The following PJA2 variants were observed in gnomAD, a reference collection of about 807,000 sequenced individuals.
The protein encoded by PJA2 is praja ring finger ubiquitin ligase 2.
PJA2 carries 25 observed loss-of-function variants against 69.3 expected under a neutral mutation model. That is an observed-to-expected ratio of 0.36 (90% confidence interval 0.26 to 0.50). The LOEUF is 0.50. Ranked by LOEUF, PJA2 falls within the 20% of genes least tolerant of loss-of-function variation. The pLI is 0.96. For missense variants in PJA2, 809 were observed against 830.2 expected, an observed-to-expected ratio of 0.97 and a Z score of 0.31; for synonymous variants, 308 against 277.8, an observed-to-expected ratio of 1.11 and a Z score of -1.08.
chr5:109,370,035 A>C (rs1342338499), intron 4 of PJA2, among the ~76,000 whole-genome samples: 1 of 141,006 alleles, frequency 7.1e-6, no homozygotes, highest in Non-Finnish European at 1.6e-5. Context: ...TCCCTCTCAA[A>C]AAAAAAAAAA....
At chr5:109,373,646 G>A (rs562626207) in intron 4 of PJA2, among the ~76,000 whole-genome samples, 1 of 152,136 alleles carries the variant, frequency 6.6e-6, no homozygotes, top group East Asian at 1.9e-4. Flanking sequence ...TTTAAAAGCG[G>A]GTGAATGACA....
At chr5:109,381,863 C>T (rs1561358768) in intron 2 of PJA2, among the ~76,000 whole-genome samples, 160 bp from the exon 3 acceptor site, 2 of 152,260 alleles carry the variant, frequency 1.3e-5, no homozygotes, top group East Asian at 3.9e-4. Context: ...TTATTCTTCA[C>T]ACACTAGAAA....
intron 1 of PJA2, among the ~76,000 whole-genome samples, chr5:109,399,138 G>A (rs527440908): frequency 4.0e-5 from 6 of 150,716 alleles, no homozygotes; most frequent in Middle Eastern, 6.3e-3. Flanking sequence ...TTTAACCTGC[G>A]TGGCAGAGGT....
chr5:109,376,827 C>T (rs1262808114), intron 4 of PJA2, among the ~76,000 whole-genome samples: 1 of 151,838 alleles, frequency 6.6e-6, no homozygotes, highest in Non-Finnish European at 1.5e-5. Flanking sequence ...CTTAACAAAC[C>T]CCAACATGGT....
At chr5:109,383,978 A>G (rs1453282323) in intron 1 of PJA2, among the ~76,000 whole-genome samples, 1 of 152,194 alleles carries the variant, frequency 6.6e-6, no homozygotes, top group African/African-American at 2.4e-5. Flanking sequence ...AAGCCAATCA[A>G]AAACTCTCAG....
chr5:109,387,330 A>C lies in PJA2; in HGVS notation c.-87-3810T>G, dbSNP rs1271067674. On this transcript the variant is annotated intron_variant, in intron 1 of 9. Transcript: ENST00000361189. ...CTACCACTTTCTATCTCTAAGTATA[A>C]AAAATAAGAAAAAAAGCAAAACAGG... Among the ~76,000 whole-genome samples the C allele has an allele frequency of 2.0e-5, 3 of 152,178 alleles. No individual in the cohort carries two copies. The East Asian group carries it at 5.8e-4, about 29-fold the overall frequency.
intron 9 of PJA2, 104 bp from the exon 10 acceptor site, chr5:109,337,460 T>C (rs1761968829): frequency 3.8e-6 from 5 of 1,319,864 alleles, no homozygotes; most frequent in Non-Finnish European, 4.0e-6. Context: ...ATAAGACTCT[T>C]AACAACAAAA....
intron 1 of PJA2, among the ~76,000 whole-genome samples, chr5:109,384,831 T>C (rs1261629124): frequency 6.6e-6 from 1 of 152,176 alleles, no homozygotes; most frequent in African/African-American, 2.4e-5. Context: ...AACTTTTTTT[T>C]TTTTGAGGGC....
chr5:109,343,271 T>TGC (rs1762109611), intron 9 of PJA2, among the ~76,000 whole-genome samples: 1 of 39,186 alleles, frequency 2.6e-5, no homozygotes, highest in Admixed American at 4.3e-4. Context: ...TTAAGGGCGG[T>TGC]GCAAAAAAAA....
At chr5:109,356,484 A>G (rs931562797) in intron 6 of PJA2, among the ~76,000 whole-genome samples, 9 of 152,176 alleles carry the variant, frequency 5.9e-5, no homozygotes, top group African/African-American at 1.7e-4. Context: ...CTGGAAGTAT[A>G]TGTAAATATT....
At chr5:109,389,810 A>G (rs1472010634) in intron 1 of PJA2, among the ~76,000 whole-genome samples, 1 of 151,898 alleles carries the variant, frequency 6.6e-6, no homozygotes, top group Non-Finnish European at 1.5e-5. Context: ...ATTATTTTTC[A>G]GATTAAAATG....
chr5:109,338,735 T>C (rs774360298), intron 9 of PJA2, among the ~76,000 whole-genome samples: 1 of 150,758 alleles, frequency 6.6e-6, no homozygotes, highest in Non-Finnish European at 1.5e-5. Context: ...TAGAGTCAAA[T>C]AGATGAGTGT....
chr5:109,375,113 A>C (rs1746832083), intron 4 of PJA2, among the ~76,000 whole-genome samples: 1 of 152,256 alleles, frequency 6.6e-6, no homozygotes, highest in Admixed American at 6.5e-5. Flanking sequence ...ATGATCATTT[A>C]GAATTTTTCA....
chr5:109,354,360 TA>T (rs1762362588), intron 7 of PJA2, among the ~76,000 whole-genome samples: 3 of 136,376 alleles, frequency 2.2e-5, no homozygotes, highest in Non-Finnish European at 1.6e-5. Context: ...TGGATATCTA[TA>T]TCTAGAGATA....
chr5:109,388,620 T>A (rs1341934763), intron 1 of PJA2, among the ~76,000 whole-genome samples: 2 of 152,212 alleles, frequency 1.3e-5, no homozygotes, highest in Non-Finnish European at 2.9e-5. Context: ...TACACCCTTA[T>A]GACTCATCTG....
chr5:109,346,809 G>T lies in PJA2; in HGVS notation c.1765-1990C>A, dbSNP rs150875803. Reference sequence around the variant, plus strand: ...CAATGTGAATACACTTGATTACACTGAACTGTACACTTTAAAAAACTGTAG... The same window carrying T: ...CAATGTGAATACACTTGATTACACTTAACTGTACACTTTAAAAAACTGTAG... On this transcript the variant is annotated intron_variant, in intron 7 of 9. Transcript: ENST00000361189. Among the ~76,000 whole-genome samples, 14 of 152,224 alleles carry T rather than the reference G, an allele frequency of 9.2e-5. No individual in the cohort carries two copies. The East Asian group carries it at 2.5e-3, about 27-fold the overall frequency.
chr5:109,375,162 T>A (rs543411433), intron 4 of PJA2, among the ~76,000 whole-genome samples: 1 of 152,338 alleles, frequency 6.6e-6, no homozygotes, highest in East Asian at 1.9e-4. Context: ...AATACTTTTC[T>A]ACTTAAAAAG....
At chr5:109,401,207 C>G (rs941185633) in intron 1 of PJA2, among the ~76,000 whole-genome samples, 19 of 151,958 alleles carry the variant, frequency 1.3e-4, no homozygotes, top group Non-Finnish European at 2.9e-5. Context: ...TCACTTGAAC[C>G]CGGGAGGTAG....
At chr5:109,354,332 CTAGAGATA>C (rs1762360733) in intron 7 of PJA2, among the ~76,000 whole-genome samples, 2 of 143,712 alleles carry the variant, frequency 1.4e-5, no homozygotes, top group African/African-American at 5.3e-5. Context: ...TCTATGATAT[CTAGAGATA>C]TCTATAGATT....
Sources: gnomAD v4.1 joint callset for allele counts (sites outside exome capture counted in the v4.1 genomes callset) on GRCh38, gnomAD v4.1.1 for gene constraint, MANE v1.5 for transcripts, NCBI Gene and HGNC (gene_info 2026-07-23, HGNC 2026-07-21) for gene names.